Variants in SLCO5A1 observed in about 807,000 individuals in gnomAD.
SLCO5A1 encodes the protein organic anion transporter polypeptide-related protein 4.
A neutral mutation model predicts 65.1 loss-of-function variants in SLCO5A1; 39 were observed. The observed-to-expected ratio is 0.60, with a 90% CI of 0.46 to 0.78. The LOEUF (loss-of-function observed/expected upper bound fraction) is 0.78, where lower values mean the gene tolerates loss of function less well. SLCO5A1 is among the 30% of genes least tolerant of loss of function. SLCO5A1 has a pLI of 0.00. For synonymous variants in SLCO5A1, 438 were observed against 415.7 expected (o/e 1.05, Z -0.65); for missense variants, 1,029 against 1,069.4 (o/e 0.96, Z 0.53).
At chr8:69,755,674 G>A (rs201985842) in intron 3 of SLCO5A1, 33 bp from the exon 4 acceptor site, 33 of 1,558,520 alleles carry the variant, frequency 2.1e-5, no homozygotes, top group African/African-American at 1.6e-4. Flanking sequence ...TAGCATTTAC[G>A]TCTTTTCTTT....
intron 5 of SLCO5A1, among the ~76,000 whole-genome samples, chr8:69,706,210 A>T (rs1438562325): frequency 6.6e-6 from 1 of 152,250 alleles, no homozygotes; most frequent in Admixed American, 6.5e-5. Flanking sequence ...CTACGTTGGT[A>T]TGAAGTTCAA....
rs767602294 is a variant in SLCO5A1 at position 69,673,318 on chromosome 8, G to A, written c.2098C>T (p.Pro700Ser). Residue 700 changes from proline (P) to serine (S), a missense_variant, in exon 10 of 10, where the codon CCT (proline) becomes TCT (serine). By Grantham distance (74) the Pro-to-Ser change is moderately conservative. This residue lies in a region of SLCO5A1 where 258 missense variants were observed against 237.4 expected (regional missense o/e 1.09). Coordinates refer to ENST00000260126, the MANE Select transcript of SLCO5A1 (RefSeq NM_030958.3). ...FVLLRTLAYI[P>S]TPIYFGAVID... Reference sequence around the variant, plus strand: ...ACTGCTCCAAAGTAGATTGGAGTAGGAATGTATGCTAGAGGGGTGGAGAAG... The same window carrying A: ...ACTGCTCCAAAGTAGATTGGAGTAGAAATGTATGCTAGAGGGGTGGAGAAG... 111 of 1,612,696 alleles carry A rather than the reference G, an allele frequency of 6.9e-5. No individual in the cohort carries two copies. The highest frequency in any genetic ancestry group is 9.2e-5 in the Non-Finnish European group (108 of 1,179,014).
intron 5 of SLCO5A1, among the ~76,000 whole-genome samples, chr8:69,711,861 A>G (rs1279170901): frequency 6.6e-6 from 1 of 151,646 alleles, no homozygotes; most frequent in Non-Finnish European, 1.5e-5. Context: ...GCTGGCCATC[A>G]TCATCATCAT....
chr8:69,804,189 A>G lies in SLCO5A1; in HGVS notation c.907+27578T>C, dbSNP rs772852636. Among the ~76,000 whole-genome samples the G allele has an allele frequency of 1.4e-3, 207 of 152,220 alleles. 1 individual carries two copies. Among genetic ancestry groups the G allele is most frequent in the Non-Finnish European group, 7.4e-4 (50 of 68,024 alleles). The stretch of plus-strand genomic sequence containing the variant: ...ACTGTCCTCTGAGACTAGACATTAG[A>G]ATTCTCAAGAAAGGGCATAAGATAA... On this transcript the variant is annotated intron_variant, in intron 2 of 9. Transcript: ENST00000260126.
At chr8:69,688,285 G>A (rs16936311) in intron 6 of SLCO5A1, among the ~76,000 whole-genome samples, 44,327 of 151,796 alleles carry the variant, frequency 0.29, 6,561 homozygotes, top group South Asian at 0.38. Context: ...AGAAACTTCC[G>A]TTAAAATTAG....
chr8:69,739,685 A>G (rs1816715814), intron 4 of SLCO5A1, among the ~76,000 whole-genome samples: 2 of 152,136 alleles, frequency 1.3e-5, no homozygotes, highest in Admixed American at 1.3e-4. Flanking sequence ...CTATATTTTA[A>G]TTTAATTTCT....
intron 4 of SLCO5A1, among the ~76,000 whole-genome samples, chr8:69,744,172 C>T (rs1044591825): frequency 2.0e-5 from 3 of 152,104 alleles, no homozygotes; most frequent in Non-Finnish European, 4.4e-5. Context: ...CTGAAACAAA[C>T]TTTGTTTTAA....
intron 2 of SLCO5A1, among the ~76,000 whole-genome samples, chr8:69,785,455 G>T (rs1369204574): frequency 6.6e-6 from 1 of 152,084 alleles, no homozygotes; most frequent in East Asian, 1.9e-4. Context: ...GCCTAACAGT[G>T]GTCCCAATAA....
chr8:69,740,944 A>T (rs1294316303), intron 4 of SLCO5A1, among the ~76,000 whole-genome samples: 1 of 152,210 alleles, frequency 6.6e-6, no homozygotes, highest in Non-Finnish European at 1.5e-5. Context: ...GCTAAAATTT[A>T]TTTGTAACCC....
intron 2 of SLCO5A1, among the ~76,000 whole-genome samples, chr8:69,771,958 T>TATGGGTTGACCTTCCCA (rs1818337588): frequency 6.6e-6 from 1 of 152,214 alleles, no homozygotes; most frequent in African/African-American, 2.4e-5. Flanking sequence ...GGGAGGGTCC[T>TATGGGTTGACCTTCCCA]ATGGGTTGAC....
At chr8:69,793,167 A>T (rs1819343078) in intron 2 of SLCO5A1, among the ~76,000 whole-genome samples, 1 of 152,076 alleles carries the variant, frequency 6.6e-6, no homozygotes, top group African/African-American at 2.4e-5. Context: ...TGTTTTTAGT[A>T]GAAACGGGGT....
At chr8:69,731,756 A>G (rs909071793) in intron 5 of SLCO5A1, among the ~76,000 whole-genome samples, 6 of 152,236 alleles carry the variant, frequency 3.9e-5, no homozygotes, top group Admixed American at 3.3e-4. Flanking sequence ...TTAAAATGAT[A>G]TAAGTGGGAA....
intron 6 of SLCO5A1, among the ~76,000 whole-genome samples, chr8:69,683,203 G>A (rs1813856236): frequency 6.6e-6 from 1 of 152,138 alleles, no homozygotes; most frequent in African/African-American, 2.4e-5. Context: ...ACAGGAAAAG[G>A]AAAGGCGCTC....
intron 5 of SLCO5A1, among the ~76,000 whole-genome samples, chr8:69,712,065 GT>G (rs1278915632): frequency 6.6e-6 from 1 of 152,068 alleles, no homozygotes; most frequent in Non-Finnish European, 1.5e-5. Flanking sequence ...TACTTACTAT[GT>G]GTTCTTAACA....
intron 6 of SLCO5A1, among the ~76,000 whole-genome samples, chr8:69,696,964 C>T (rs921960274): frequency 6.6e-6 from 1 of 151,948 alleles, no homozygotes; most frequent in Non-Finnish European, 1.5e-5. Flanking sequence ...TAGCAAAAGA[C>T]AAAAGCATGC....
intron 6 of SLCO5A1, among the ~76,000 whole-genome samples, chr8:69,687,392 C>T (rs1303996420): frequency 2.0e-5 from 3 of 152,138 alleles, no homozygotes; most frequent in African/African-American, 4.8e-5. Context: ...GTGATTACTG[C>T]GTCTAATTGT....
chr8:69,800,882 G>A (rs1795484519), intron 2 of SLCO5A1, among the ~76,000 whole-genome samples: 1 of 152,124 alleles, frequency 6.6e-6, no homozygotes, highest in Non-Finnish European at 1.5e-5. Context: ...GAACTACATG[G>A]GACTGTTTGG....
intron 2 of SLCO5A1, among the ~76,000 whole-genome samples, chr8:69,798,740 T>C (rs1017341141): frequency 6.6e-6 from 1 of 152,080 alleles, no homozygotes; most frequent in Non-Finnish European, 1.5e-5. Flanking sequence ...ATTACCAGAA[T>C]CTTCTCAACC....
chr8:69,784,895 G>GAAGAAAGAAAGAAAGAAAGAAAGA (rs200219200), intron 2 of SLCO5A1, among the ~76,000 whole-genome samples: 4 of 84,972 alleles, frequency 4.7e-5, no homozygotes, highest in African/African-American at 5.4e-5. Flanking sequence ...AAGAAGAAAG[G>GAAGAAAGAAAGAAAGAAAGAAAGA]AAGAAAGAAA....
Sources: allele counts gnomAD v4.1 joint callset (sites outside exome capture counted in the v4.1 genomes callset), GRCh38; gene constraint gnomAD v4.1.1; regional missense constraint gnomAD v4.1.1; transcripts MANE v1.5; gene names NCBI Gene and HGNC (gene_info 2026-07-23, HGNC 2026-07-21).